The following NCOA7 variants were observed in gnomAD, a reference collection of about 807,000 sequenced individuals.
NCOA7 encodes the protein nuclear receptor coactivator 7, also known as 140 kDa estrogen receptor-associated protein.
NCOA7 carries 45 observed loss-of-function variants against 104.3 expected under a neutral mutation model. The ratio of observed to expected loss-of-function variants is 0.43; its 90% CI spans 0.34 to 0.55. The LOEUF (loss-of-function observed/expected upper bound fraction) is 0.55, where lower values mean the gene tolerates loss of function less well. Among genes scored for constraint, NCOA7 ranks in the 20% least tolerant of loss-of-function variants. The pLI is 0.02. For missense variants in NCOA7, 1,041 were observed against 1,119.7 expected, an observed-to-expected ratio of 0.93 and a Z score of 1.00; for synonymous variants, 398 against 402.3, an observed-to-expected ratio of 0.99 and a Z score of 0.13.
Position 125,889,591 on chromosome 6 carries a change from A to G in NCOA7, c.1537A>G (p.Ile513Val), listed in dbSNP as rs148679234. 3.7e-6 allele frequency: 6 copies of G among 1,613,794 alleles called. No individual in the cohort carries two copies. Among genetic ancestry groups the G allele is most frequent in the Non-Finnish European group, 5.1e-6 (6 of 1,179,976 alleles). The change falls in exon 9 of 16, where the codon ATA (isoleucine) becomes GTA (valine). Residue 513 changes from isoleucine (I) to valine (V), a missense_variant. Ile to Val is a conservative substitution (Grantham distance 29). Transcript: ENST00000392477. The part of the protein sequence containing the change: ...PESRVENTLN[I>V]HEDLDKVKLI... ...AAGCCGAGTAGAAAACACACTGAAC[A>G]TACATGAAGATTTAGATAAAGTTAA...
At chr6:125,906,467 T>G (rs1043308620) in intron 10 of NCOA7, among the ~76,000 whole-genome samples, 1 of 152,088 alleles carries the variant, frequency 6.6e-6, no homozygotes, top group Non-Finnish European at 1.5e-5. Context: ...AGTGGACCCA[T>G]TAAGCCCAAA....
chr6:125,829,686 T>A (rs1778987468), intron 2 of NCOA7, among the ~76,000 whole-genome samples: 1 of 152,284 alleles, frequency 6.6e-6, no homozygotes, highest in South Asian at 2.1e-4. Context: ...AATTCTAATT[T>A]AGTGCACTGT....
chr6:125,796,660 T>G (rs2128548416), intron 1 of NCOA7: 1 of 151,756 alleles, frequency 6.6e-6, no homozygotes, highest in African/African-American at 2.4e-5. Flanking sequence ...TCCTCAATTT[T>G]TTTTTTTTTT....
Position 125,857,181 on chromosome 6 carries a change from T to C in NCOA7, c.271+1941T>C, listed in dbSNP as rs894937156. 3.9e-5 allele frequency among the ~76,000 whole-genome samples: 6 copies of C among 152,306 alleles called. No homozygotes were observed. The East Asian group carries it at 1.2e-3, about 29-fold the overall frequency. ...TAAACTTCCTTTTAAAATGTAAATA[T>C]TAAATATTATCCCTTATTTCCAAAA... On this transcript the variant is annotated intron_variant, in intron 3 of 15. Coordinates refer to ENST00000392477, the MANE Select transcript of NCOA7 (RefSeq NM_181782.5).
chr6:125,832,610 C>G (rs1562859685), intron 2 of NCOA7, among the ~76,000 whole-genome samples: 1 of 152,124 alleles, frequency 6.6e-6, no homozygotes, highest in Non-Finnish European at 1.5e-5. Context: ...TTAACTAGTC[C>G]CATTTGTCAT....
chr6:125,866,792 A>G (rs1583415263), intron 3 of NCOA7, among the ~76,000 whole-genome samples: 1 of 152,100 alleles, frequency 6.6e-6, no homozygotes, highest in Non-Finnish European at 1.5e-5. Context: ...CAATGTTTTA[A>G]TTGCTGTGGC....
chr6:125,837,894 G>T (rs977614605), intron 2 of NCOA7, among the ~76,000 whole-genome samples: 6 of 152,310 alleles, frequency 3.9e-5, no homozygotes, highest in Admixed American at 6.5e-5. Context: ...ATTGCATGCT[G>T]CTCTTAGTTG....
intron 1 of NCOA7, chr6:125,810,475 T>A (rs1776886062): frequency 6.6e-6 from 1 of 152,216 alleles, no homozygotes; most frequent in Non-Finnish European, 1.5e-5. Context: ...TCTCGTGAAA[T>A]TCTTTTTGGT....
At chr6:125,898,833 T>C (rs1785257522) in intron 10 of NCOA7, among the ~76,000 whole-genome samples, 1 of 152,116 alleles carries the variant, frequency 6.6e-6, no homozygotes. Flanking sequence ...AAATAAAAAA[T>C]GTATTTGTTA....
At chr6:125,922,165 C>T (rs1288856066) in intron 12 of NCOA7, among the ~76,000 whole-genome samples, 1 of 152,090 alleles carries the variant, frequency 6.6e-6, no homozygotes, top group East Asian at 1.9e-4. Context: ...TTATTTATGG[C>T]CAAGTTTAAA....
chr6:125,844,470 T>C (rs201919108), intron 2 of NCOA7, among the ~76,000 whole-genome samples: 2 of 152,222 alleles, frequency 1.3e-5, no homozygotes, highest in East Asian at 3.8e-4. Flanking sequence ...ATCTTTTGTT[T>C]TTATTTGGCC....
chr6:125,922,660 A>G, intron 12 of NCOA7, 22 bp from the exon 13 acceptor site: 1 of 1,607,314 alleles, frequency 6.2e-7, no homozygotes, highest in Non-Finnish European at 8.5e-7. Context: ...TTCTGTTTAC[A>G]TCTCTTCCTT....
intron 4 of NCOA7, among the ~76,000 whole-genome samples, chr6:125,875,702 A>G (rs1783312693): frequency 6.6e-6 from 1 of 152,124 alleles, no homozygotes; most frequent in African/African-American, 2.4e-5. Flanking sequence ...AACTTAATTT[A>G]TCTCAGTTTA....
chr6:125,852,454 A>T (rs1178610810), intron 2 of NCOA7, among the ~76,000 whole-genome samples: 3 of 152,146 alleles, frequency 2.0e-5, no homozygotes, highest in African/African-American at 7.2e-5. Context: ...TAGGCCTCCC[A>T]AAGTGCTGGG....
At chr6:125,859,750 G>A (rs926189347) in intron 3 of NCOA7, among the ~76,000 whole-genome samples, 1 of 152,100 alleles carries the variant, frequency 6.6e-6, no homozygotes, top group Non-Finnish European at 1.5e-5. Flanking sequence ...AACATCATCT[G>A]CCTGATCCAA....
upstream of NCOA7, among the ~76,000 whole-genome samples, chr6:125,789,127 A>G (rs1010675982): frequency 1.1e-4 from 17 of 152,214 alleles, no homozygotes; most frequent in African/African-American, 4.1e-4. Flanking sequence ...CTTATACATC[A>G]GATATGTACA....
chr6:125,838,492 A>G (rs1417565865), intron 2 of NCOA7, among the ~76,000 whole-genome samples: 1 of 152,170 alleles, frequency 6.6e-6, no homozygotes, highest in African/African-American at 2.4e-5. Flanking sequence ...TCCCCCATGA[A>G]AGACAGCTTT....
chr6:125,793,855 A>G (rs1385220209), intron 1 of NCOA7, among the ~76,000 whole-genome samples: 1 of 152,188 alleles, frequency 6.6e-6, no homozygotes, highest in Non-Finnish European at 1.5e-5. Context: ...ATTGTTGTCT[A>G]CTGGTCTCCC....
In NCOA7 at chr6:125,881,308, A is replaced by G; in HGVS notation, c.573+105A>G. The G allele has an allele frequency of 4.8e-6, 4 of 838,088 alleles. No homozygotes were observed. In the South Asian group the frequency reaches 6.1e-5, roughly 13 times the overall value. 51.9% of individuals were successfully genotyped at this position (838,088 alleles called of 1,614,324 possible). The stretch of plus-strand genomic sequence containing the variant: ...CAAGATTACATCTGAAATTCTCCCT[A>G]GATGGTTGAGATTAGGTAATTGGAG... On this transcript the variant is annotated intron_variant, in intron 6 of 15. Coordinates refer to ENST00000392477, the MANE Select transcript of NCOA7 (RefSeq NM_181782.5).
Sources: allele counts gnomAD v4.1 joint callset (sites outside exome capture counted in the v4.1 genomes callset), GRCh38; gene constraint gnomAD v4.1.1; transcripts MANE v1.5; gene names NCBI Gene and HGNC (gene_info 2026-07-23, HGNC 2026-07-21).